MAP6: variants seen among roughly 807,000 people sequenced by gnomAD.
MAP6 encodes microtubule associated protein 6, also known as microtubule-associated protein 6.
Under a neutral mutation model 42.4 loss-of-function variants are expected in MAP6, and 26 were observed. The ratio of observed to expected loss-of-function variants is 0.61; its 90% CI spans 0.45 to 0.85. MAP6 has a LOEUF of 0.85. Among genes scored for constraint, MAP6 ranks in the 40% least tolerant of loss-of-function variants. The probability of loss-of-function intolerance (pLI) is 0.00; values close to 1 mark genes in which losing one functional copy is unlikely to be tolerated. For missense variants in MAP6, 966 were observed against 1,099.0 expected, an observed-to-expected ratio of 0.88 and a Z score of 1.71; for synonymous variants, 418 against 443.8, an observed-to-expected ratio of 0.94 and a Z score of 0.73.
intron 1 of MAP6, among the ~76,000 whole-genome samples, chr11:75,654,474 T>A (rs1943702644): frequency 6.6e-6 from 1 of 152,186 alleles, no homozygotes; most frequent in Non-Finnish European, 1.5e-5. Context: ...CTCAATAGCC[T>A]GTGCACATTT....
chr11:75,634,083 G>C (rs1441704637), intron 1 of MAP6, among the ~76,000 whole-genome samples: 3 of 152,216 alleles, frequency 2.0e-5, no homozygotes, highest in African/African-American at 7.2e-5. Context: ...GTGGGCGACA[G>C]TAGCTGCGTC....
intron 1 of MAP6, among the ~76,000 whole-genome samples, chr11:75,608,958 C>A (rs990380121): frequency 2.0e-5 from 3 of 152,178 alleles, no homozygotes; most frequent in Non-Finnish European, 4.4e-5. Flanking sequence ...CGTTAGTAAG[C>A]AACACAGACT....
intron 3 of MAP6, chr11:75,604,533 A>G: frequency 1.0e-6 from 1 of 985,430 alleles, no homozygotes. Context: ...TGAGCAATAT[A>G]CACGTCATAT....
chr11:75,594,518 T>C lies in MAP6; in HGVS notation c.1317-6334A>G, dbSNP rs567017992. 3 of 152,340 alleles carry C rather than the reference T, an allele frequency of 2.0e-5. No individual in the cohort carries two copies. In the East Asian group the frequency reaches 5.8e-4, roughly 29 times the overall value. The allele number at this position is 152,340 out of a possible 1,614,324, so 9.4% of individuals were successfully genotyped here. A position where few individuals can be genotyped will look rare whatever the true frequency, so the allele number is the denominator to read the frequency against. ...TCCGCCTCTATCCTCAACCGGACTC[T>C]GTGGGAGTGTCTCTTTTAGTAATTA... On this transcript the variant is annotated intron_variant, in intron 3 of 3. Coordinates refer to ENST00000304771, the MANE Select transcript of MAP6 (RefSeq NM_033063.2).
chr11:75,643,017 G>A (rs1943499340), intron 1 of MAP6: 1 of 295,070 alleles, frequency 3.4e-6, no homozygotes, highest in African/African-American at 2.1e-5. Context: ...AATCAAGCCT[G>A]TATTCATAGT....
At chr11:75,609,946 G>T (rs998450409) in intron 1 of MAP6, among the ~76,000 whole-genome samples, 2 of 152,208 alleles carry the variant, frequency 1.3e-5, no homozygotes, top group Non-Finnish European at 2.9e-5. Context: ...CTGCCCTCAT[G>T]AATGATTTAA....
chr11:75,621,652 T>A (rs1349808495), intron 1 of MAP6, among the ~76,000 whole-genome samples: 1 of 151,902 alleles, frequency 6.6e-6, no homozygotes, highest in Non-Finnish European at 1.5e-5. Flanking sequence ...GGGTAATCCA[T>A]AATAAAACAA....
intron 1 of MAP6, among the ~76,000 whole-genome samples, chr11:75,635,181 T>G (rs1487685604): frequency 6.6e-6 from 1 of 152,208 alleles, no homozygotes; most frequent in Non-Finnish European, 1.5e-5. Flanking sequence ...GGAGGCAGCC[T>G]GCCTGGGATA....
At chr11:75,602,492 G>A (rs1019031694) in intron 3 of MAP6, among the ~76,000 whole-genome samples, 1 of 152,190 alleles carries the variant, frequency 6.6e-6, no homozygotes, top group Admixed American at 6.5e-5. Flanking sequence ...TCCCTTGGGA[G>A]GAGAAAAAGC....
At position 75,607,703 on chromosome 11, in the gene MAP6, C is replaced by T. The variant is rs966628225; in HGVS notation, c.1119+406G>A. 5 of 985,068 alleles carry T rather than the reference C, an allele frequency of 5.1e-6. No homozygotes were observed. In the African/African-American group the frequency reaches 8.7e-5, roughly 17 times the overall value. 61.0% of individuals were successfully genotyped at this position (985,068 alleles called of 1,614,324 possible). On this transcript the variant is annotated intron_variant, in intron 2 of 3. Coordinates refer to ENST00000304771, the MANE Select transcript of MAP6 (RefSeq NM_033063.2). ...GATTGGAGCCAAGGATGAGGCAAGG[C>T]AGGGTCTGGTGGGAGGGGAGCCGGG... is the stretch of plus-strand genomic sequence containing the variant.
At chr11:75,603,035 T>C (rs745732558) in intron 3 of MAP6, 297 of 985,664 alleles carry the variant, frequency 3.0e-4, no homozygotes, top group Non-Finnish European at 3.5e-4. Flanking sequence ...ACATGTTACA[T>C]AGACAATCTG....
At chr11:75,653,329 G>C (rs1238807242) in intron 1 of MAP6, among the ~76,000 whole-genome samples, 1 of 152,168 alleles carries the variant, frequency 6.6e-6, no homozygotes, top group Non-Finnish European at 1.5e-5. Flanking sequence ...TCCTCGGGAG[G>C]AGTCCTTGGG....
At chr11:75,617,722 A>G (rs932901977) in intron 1 of MAP6, among the ~76,000 whole-genome samples, 1 of 151,960 alleles carries the variant, frequency 6.6e-6, no homozygotes, top group South Asian at 2.1e-4. Context: ...ATATACCTCA[A>G]GTAGAAAGAA....
At chr11:75,609,253 TTTG>T (rs1419264447) in intron 1 of MAP6, among the ~76,000 whole-genome samples, 37 of 152,276 alleles carry the variant, frequency 2.4e-4, no homozygotes, top group African/African-American at 8.7e-4. Flanking sequence ...GTCTATTCTG[TTTG>T]TTAAGTGCAC....
At chr11:75,618,669 T>C (rs1417552094) in intron 1 of MAP6, among the ~76,000 whole-genome samples, 3 of 152,070 alleles carry the variant, frequency 2.0e-5, no homozygotes, top group African/African-American at 7.2e-5. Context: ...CTCAGATGAC[T>C]CTGGAAGCTT....
chr11:75,660,832 T>C (rs1943831567), intron 1 of MAP6, among the ~76,000 whole-genome samples: 1 of 152,096 alleles, frequency 6.6e-6, no homozygotes, highest in African/African-American at 2.4e-5. Context: ...GACCTATGCC[T>C]ACCTCTCAGA....
intron 1 of MAP6, among the ~76,000 whole-genome samples, chr11:75,662,551 G>C (rs1297056143): frequency 6.6e-6 from 1 of 152,124 alleles, no homozygotes; most frequent in Non-Finnish European, 1.5e-5. Flanking sequence ...TAGAGTGCTT[G>C]CTAAAAATTA....
At chr11:75,612,884 C>G (rs746446783) in intron 1 of MAP6, among the ~76,000 whole-genome samples, 4 of 152,214 alleles carry the variant, frequency 2.6e-5, no homozygotes, top group African/African-American at 9.7e-5. Context: ...ATTTACTTTA[C>G]TGGCCATCTT....
At position 75,608,472 on chromosome 11, in the gene MAP6, A is replaced by C. The variant is rs534431314; in HGVS notation, c.906-150T>G. On this transcript the variant is annotated intron_variant, in intron 1 of 3. Coordinates refer to ENST00000304771, the MANE Select transcript of MAP6 (RefSeq NM_033063.2). ...GGAGGGTTAGCCTCACTCTTTCATA[A>C]GGAAGAGTGCAAGTCTCCCTTCTTG... 3.1e-4 allele frequency: 207 copies of C among 673,144 alleles called. 1 individual carries two copies. The highest frequency in any genetic ancestry group is 4.9e-4 in the Admixed American group (18 of 36,364). 41.7% of individuals were successfully genotyped at this position (673,144 alleles called of 1,614,324 possible).
Sources: gnomAD v4.1 joint callset for allele counts (sites outside exome capture counted in the v4.1 genomes callset) on GRCh38, gnomAD v4.1.1 for gene constraint, MANE v1.5 for transcripts, NCBI Gene and HGNC (gene_info 2026-07-23, HGNC 2026-07-21) for gene names.